TANC2: variants seen among roughly 807,000 people sequenced by gnomAD.
The protein encoded by TANC2 is tetratricopeptide repeat, ankyrin repeat and coiled-coil containing 2, also known as protein TANC2.
TANC2 carries 26 observed loss-of-function variants against 210.5 expected under a neutral mutation model. The observed-to-expected ratio is 0.12, with a 90% CI of 0.09 to 0.17. The LOEUF is 0.17. TANC2 is among the 10% of genes least tolerant of loss of function. TANC2 has a pLI of 1.00. For synonymous variants in TANC2, 931 were observed against 967.1 expected (o/e 0.96, Z 0.69); for missense variants, 2,129 against 2,608.9 (o/e 0.82, Z 4.01).
At chr17:63,327,376 A>G (rs1461324238) in intron 11 of TANC2, among the ~76,000 whole-genome samples, 1 of 152,240 alleles carries the variant, frequency 6.6e-6, no homozygotes, top group African/African-American at 2.4e-5. Context: ...TTCCAAGTAT[A>G]TATGCAAAGA....
chr17:63,306,193 C>T (rs192003955), intron 9 of TANC2, among the ~76,000 whole-genome samples: 29 of 152,218 alleles, frequency 1.9e-4, no homozygotes, highest in Middle Eastern at 6.8e-3. Flanking sequence ...CAGTTGGAAA[C>T]GAACAGAGGT....
chr17:63,257,422 T>A (rs117917984), intron 8 of TANC2, among the ~76,000 whole-genome samples: 22,784 of 152,012 alleles, frequency 0.15, 2,034 homozygotes, highest in Middle Eastern at 0.21. Context: ...CAGTGGCGTG[T>A]TCTTAGCTCA....
chr17:63,403,255 C>CT (rs2147267127), intron 19 of TANC2, among the ~76,000 whole-genome samples: 1 of 152,294 alleles, frequency 6.6e-6, no homozygotes, highest in African/African-American at 2.4e-5. Context: ...GCTGTAACTT[C>CT]TTTCGTGAAA....
At chr17:63,073,800 A>T in intron 2 of TANC2, 143 bp from the exon 3 acceptor site, 1 of 804,000 alleles carries the variant, frequency 1.2e-6, no homozygotes, top group Non-Finnish European at 1.9e-6. Flanking sequence ...ATATAAGAAA[A>T]ATCCTCAAAT....
At chr17:63,132,029 A>T (rs1201302899) in intron 4 of TANC2, among the ~76,000 whole-genome samples, 1 of 152,170 alleles carries the variant, frequency 6.6e-6, no homozygotes, top group Non-Finnish European at 1.5e-5. Context: ...AATCTTATAA[A>T]AACTTTGGTT....
intron 4 of TANC2, among the ~76,000 whole-genome samples, chr17:63,119,521 C>G (rs1056519250): frequency 1.3e-5 from 2 of 152,142 alleles, no homozygotes; most frequent in African/African-American, 4.8e-5. Flanking sequence ...TTGCTTCCGT[C>G]ATCTATAACG....
chr17:63,030,875 G>A (rs2034741222), intron 2 of TANC2, among the ~76,000 whole-genome samples: 1 of 151,960 alleles, frequency 6.6e-6, no homozygotes, highest in African/African-American at 2.4e-5. Flanking sequence ...CATACCAAGA[G>A]TTAGAAGGAC....
At chr17:63,335,627 A>T (rs972952855) in intron 11 of TANC2, among the ~76,000 whole-genome samples, 2 of 150,676 alleles carry the variant, frequency 1.3e-5, no homozygotes, top group African/African-American at 4.9e-5. Flanking sequence ...AAAAAAAAAA[A>T]GTGTCAAGGA....
chr17:63,322,779 A>T (rs1276230669), intron 11 of TANC2, among the ~76,000 whole-genome samples: 1 of 152,234 alleles, frequency 6.6e-6, no homozygotes, highest in Non-Finnish European at 1.5e-5. Context: ...ACTTTCTTAC[A>T]TCTTATTCTT....
intron 7 of TANC2, among the ~76,000 whole-genome samples, chr17:63,218,032 C>T (rs1237063157): frequency 6.6e-6 from 1 of 151,510 alleles, no homozygotes; most frequent in African/African-American, 2.4e-5. Context: ...CGCCGTAATA[C>T]CAGCACTTTG....
chr17:63,144,551 A>C (rs2039400918), intron 4 of TANC2, among the ~76,000 whole-genome samples: 1 of 152,198 alleles, frequency 6.6e-6, no homozygotes, highest in Non-Finnish European at 1.5e-5. Flanking sequence ...CTTCAGCATA[A>C]ATTGGATGTA....
At chr17:63,168,695 G>A (rs2040298406) in intron 5 of TANC2, among the ~76,000 whole-genome samples, 1 of 152,152 alleles carries the variant, frequency 6.6e-6, no homozygotes, top group African/African-American at 2.4e-5. Context: ...TGTTAAAACT[G>A]CTTGTGTCCT....
exon 18 of TANC2, chr17:63,395,878 C>G: frequency 6.2e-7 from 1 of 1,610,872 alleles, no homozygotes. Context: ...TAAGAAGAGC[C>G]ATGCCATCCA....
exon 17 of TANC2, chr17:63,389,459 C>T: frequency 6.2e-7 from 1 of 1,613,944 alleles, no homozygotes; most frequent in Non-Finnish European, 8.5e-7. Flanking sequence ...GATGCCTCTT[C>T]TGAAAGTGGC....
rs1267030866 is a variant in TANC2 at position 63,406,135 on chromosome 17, T to C, written c.3466-19T>C. On this transcript the variant is annotated intron_variant, in intron 20 of 27. Coordinates refer to ENST00000689528, the Ensembl canonical transcript of TANC2. ...GCTCTTCTTTGGGCTAATTGGTCCC[T>C]GTTTCTCTGCACTTGCAGATTGTTG... 2 of 1,613,148 alleles carry C rather than the reference T, an allele frequency of 1.2e-6. No individual in the cohort carries two copies. The highest frequency in any genetic ancestry group is 1.7e-6 in the Non-Finnish European group (2 of 1,179,440).
In TANC2 at chr17:63,420,538, C is replaced by T. The variant is rs765187847; in HGVS notation, c.4808C>T (p.Pro1603Leu). The change falls in exon 28 of 28, where the codon CCT (proline) becomes CTT (leucine). Residue 1603 changes from proline to leucine, a missense_variant. Coordinates refer to ENST00000689528, the Ensembl canonical transcript of TANC2. This position sits in a 1 kb window ranked among gnomAD's most constrained non-coding sequence, Gnocchi z 4.2. Reference sequence around the variant, plus strand: ...GGAGGATCTTACCGTTTCAGCCCCCCTCCTGTGGGAGGACAGGGCAAAGAA... The same window carrying T: ...GGAGGATCTTACCGTTTCAGCCCCCTTCCTGTGGGAGGACAGGGCAAAGAA... 5.6e-6 allele frequency: 9 copies of T among 1,613,810 alleles called. No homozygotes were observed. Among genetic ancestry groups the T allele is most frequent in the African/African-American group, 4.0e-5 (3 of 74,950 alleles).
At chr17:63,326,196 G>A (rs2045638588) in intron 11 of TANC2, among the ~76,000 whole-genome samples, 1 of 152,106 alleles carries the variant, frequency 6.6e-6, no homozygotes, top group Admixed American at 6.5e-5. Context: ...ATAGACAAGT[G>A]GAATAGAATA....
chr17:63,028,437 G>T (rs2034639644), intron 2 of TANC2, among the ~76,000 whole-genome samples: 1 of 152,128 alleles, frequency 6.6e-6, no homozygotes. Context: ...TATGTACTAA[G>T]TTGGACAAAG....
intron 15 of TANC2, among the ~76,000 whole-genome samples, chr17:63,383,462 A>G (rs752701697): frequency 8.5e-5 from 13 of 152,220 alleles, no homozygotes; most frequent in African/African-American, 3.1e-4. Flanking sequence ...ATCACACAAC[A>G]TGTAGAATGT....
Sources: allele counts gnomAD v4.1 joint callset (sites outside exome capture counted in the v4.1 genomes callset), GRCh38; gene constraint gnomAD v4.1.1; non-coding constraint Gnocchi (gnomAD v3.1); transcripts MANE v1.5; gene names NCBI Gene and HGNC (gene_info 2026-07-23, HGNC 2026-07-21).